PRKCB: variants seen among roughly 807,000 people sequenced by gnomAD.
The protein encoded by PRKCB is protein kinase C beta.
Under a neutral mutation model 81.5 loss-of-function variants are expected in PRKCB, and 13 were observed. The observed-to-expected ratio is 0.16, with a 90% CI of 0.10 to 0.25. PRKCB has a LOEUF of 0.25. Ranked by LOEUF, PRKCB falls within the 10% of genes least tolerant of loss-of-function variation. PRKCB has a pLI of 1.00. For synonymous variants in PRKCB, 335 were observed against 321.4 expected (o/e 1.04, Z -0.45); for missense variants, 509 against 875.7 (o/e 0.58, Z 5.29).
Position 24,053,589 on chromosome 16 carries a change from GA to G in PRKCB, c.529+18044del, listed in dbSNP as rs150752986. Among the ~76,000 whole-genome samples, 1,190 of 152,278 alleles carry G rather than the reference GA, an allele frequency of 7.8e-3. 19 individuals carry two copies. The highest frequency in any genetic ancestry group is 0.027 in the African/African-American group (1,114 of 41,540). The stretch of plus-strand genomic sequence containing the variant: ...AAGAAAAAACGGAAAAAGAGGATGG[GA>G]AGGAGGCAGGAGGGGACTGGACCTG... On this transcript the variant is annotated intron_variant, in intron 5 of 16. Coordinates refer to ENST00000643927, the MANE Select transcript of PRKCB (RefSeq NM_002738.7).
intron 2 of PRKCB, among the ~76,000 whole-genome samples, chr16:23,849,337 G>A (rs1962432712): frequency 6.6e-6 from 1 of 151,552 alleles, no homozygotes; most frequent in South Asian, 2.1e-4. Context: ...AAGGTGGAGG[G>A]TGAAGTCTGA....
intron 15 of PRKCB, among the ~76,000 whole-genome samples, chr16:24,186,175 A>T (rs79699525): frequency 0.027 from 4,129 of 152,232 alleles, 78 homozygotes; most frequent in Non-Finnish European, 0.041. Flanking sequence ...ATGTGTGTTT[A>T]TGGGGAAGGA....
intron 2 of PRKCB, among the ~76,000 whole-genome samples, chr16:23,977,560 G>A (rs1964641968): frequency 6.6e-6 from 1 of 152,116 alleles, no homozygotes; most frequent in African/African-American, 2.4e-5. Flanking sequence ...CTGAAGTAGG[G>A]AATATCTCAG....
At chr16:23,942,236 G>A (rs1363192678) in intron 2 of PRKCB, among the ~76,000 whole-genome samples, 1 of 152,194 alleles carries the variant, frequency 6.6e-6, no homozygotes, top group Admixed American at 6.5e-5. Flanking sequence ...GGGAAGTGTA[G>A]GAAACTGGAA....
intron 2 of PRKCB, among the ~76,000 whole-genome samples, chr16:23,912,625 G>A (rs8044774): frequency 0.054 from 7,429 of 136,750 alleles, 404 homozygotes; most frequent in African/African-American, 0.14. Flanking sequence ...CGATTCTCCT[G>A]CCTCAGCCTC....
At chr16:23,974,489 G>A (rs960369793) in intron 2 of PRKCB, among the ~76,000 whole-genome samples, 2 of 152,142 alleles carry the variant, frequency 1.3e-5, no homozygotes, top group Non-Finnish European at 2.9e-5. Context: ...GAGGAGGAAG[G>A]GGCCAAGAGG....
At chr16:23,907,116 T>A (rs1963571833) in intron 2 of PRKCB, among the ~76,000 whole-genome samples, 1 of 152,192 alleles carries the variant, frequency 6.6e-6, no homozygotes, top group African/African-American at 2.4e-5. Context: ...TCCCATGTAG[T>A]GTAGGATGTT....
At chr16:23,963,858 C>T (rs1189908269) in intron 2 of PRKCB, 1 of 152,250 alleles carries the variant, frequency 6.6e-6, no homozygotes, top group Non-Finnish European at 1.5e-5. Flanking sequence ...GTTTCTCTTT[C>T]TTACCAGCCG....
intron 2 of PRKCB, among the ~76,000 whole-genome samples, chr16:23,943,235 A>G (rs560976867): frequency 5.3e-5 from 8 of 152,208 alleles, no homozygotes; most frequent in Non-Finnish European, 1.0e-4. Flanking sequence ...TAAAGGTCAC[A>G]TATGTGTGGC....
chr16:24,080,224 G>T (rs546590253), intron 5 of PRKCB, among the ~76,000 whole-genome samples: 59 of 152,288 alleles, frequency 3.9e-4, no homozygotes, highest in Non-Finnish European at 6.9e-4. Context: ...ATGAGCAGCT[G>T]CTGTTTATGA....
chr16:23,937,787 G>T (rs771618943), intron 2 of PRKCB, among the ~76,000 whole-genome samples: 2 of 152,174 alleles, frequency 1.3e-5, no homozygotes, highest in Admixed American at 1.3e-4. Flanking sequence ...GGCCTCTTAC[G>T]ATGGCTAATT....
At chr16:23,851,375 C>A (rs1962470665) in intron 2 of PRKCB, among the ~76,000 whole-genome samples, 1 of 152,180 alleles carries the variant, frequency 6.6e-6, no homozygotes, top group Non-Finnish European at 1.5e-5. Context: ...GCACCTTTAT[C>A]AAAAATCAGT....
intron 2 of PRKCB, among the ~76,000 whole-genome samples, chr16:23,916,639 A>G (rs1337377334): frequency 6.6e-6 from 1 of 152,204 alleles, no homozygotes; most frequent in Non-Finnish European, 1.5e-5. Context: ...GTACATGCAC[A>G]TCATATACAT....
intron 16 of PRKCB, among the ~76,000 whole-genome samples, chr16:24,211,557 C>CTTTTTTTTTTTTTTTTTTTTTT: frequency 7.7e-6 from 1 of 130,480 alleles, no homozygotes; most frequent in Non-Finnish European, 1.6e-5. Flanking sequence ...TACAGACTCA[C>CTTTTTTTTTTTTTTTTTTTTTT]TTTTTTTTTT....
intron 2 of PRKCB, among the ~76,000 whole-genome samples, chr16:23,881,202 G>A (rs1963100771): frequency 6.6e-6 from 1 of 151,766 alleles, no homozygotes; most frequent in Non-Finnish European, 1.5e-5. Flanking sequence ...GACAAAGAAT[G>A]GGCAGAGCAT....
chr16:24,220,111 T>TA lies in PRKCB; in HGVS notation c.*5296dup, dbSNP rs1324659198. 3 of 1,613,946 alleles carry TA rather than the reference T, an allele frequency of 1.9e-6. No homozygotes were observed. In the Admixed American group the frequency reaches 5.0e-5, roughly 27 times the overall value. On this transcript the variant is annotated 3_prime_UTR_variant, in exon 17 of 17. Coordinates refer to ENST00000643927, the MANE Select transcript of PRKCB (RefSeq NM_002738.7). ...TAACCCAGAGTTTGTCATTAATGTG[T>TA]AGGTGAATGCAAACTCCATCGTTGA...
chr16:24,000,275 C>T (rs1316562848), intron 3 of PRKCB, among the ~76,000 whole-genome samples: 1 of 152,212 alleles, frequency 6.6e-6, no homozygotes, highest in African/African-American at 2.4e-5. Context: ...TATAGTGTGG[C>T]TCAGAGTCAT....
chr16:24,163,277 A>T (rs775257614), intron 10 of PRKCB, among the ~76,000 whole-genome samples: 2 of 152,226 alleles, frequency 1.3e-5, no homozygotes, highest in Non-Finnish European at 2.9e-5. Flanking sequence ...TTCAAGCAGG[A>T]CATAGTTATA....
chr16:24,216,350 G>A lies in PRKCB; in HGVS notation c.*1534G>A. ...AATATTCTTTCTAGCAAGCAGCTTT[G>A]TGAGCTCCCTGAAGCCCAAGGAAAC... On this transcript the variant is annotated 3_prime_UTR_variant, in exon 17 of 17. Transcript: ENST00000643927. 2 of 985,432 alleles carry A rather than the reference G, an allele frequency of 2.0e-6. No homozygotes were observed. Among genetic ancestry groups the A allele is most frequent in the Non-Finnish European group, 2.4e-6 (2 of 829,942 alleles). 61.0% of individuals were successfully genotyped at this position (985,432 alleles called of 1,614,324 possible). A position where few individuals can be genotyped will look rare whatever the true frequency, so the allele number is the denominator to read the frequency against.
Sources: allele counts gnomAD v4.1 joint callset (sites outside exome capture counted in the v4.1 genomes callset), GRCh38; gene constraint gnomAD v4.1.1; transcripts MANE v1.5; gene names NCBI Gene and HGNC (gene_info 2026-07-23, HGNC 2026-07-21).